PCDHGB7: variants seen among roughly 807,000 people sequenced by gnomAD.
The protein encoded by PCDHGB7 is protocadherin gamma-B7.
PCDHGB7 carries 37 observed loss-of-function variants against 61.4 expected under a neutral mutation model. The ratio of observed to expected loss-of-function variants is 0.60; its 90% confidence interval spans 0.46 to 0.79. The LOEUF is 0.79. PCDHGB7 is among the 30% of genes least tolerant of loss of function. PCDHGB7 has a pLI of 0.00. For missense variants in PCDHGB7, 1,166 were observed against 1,202.5 expected, an observed-to-expected ratio of 0.97 and a Z score of 0.45; for synonymous variants, 464 against 503.5, an observed-to-expected ratio of 0.92 and a Z score of 1.05.
At chr5:141,480,910 T>C (rs985100480) in intron 1 of PCDHGB7, among the ~76,000 whole-genome samples, 5 of 152,106 alleles carry the variant, frequency 3.3e-5, no homozygotes, top group Non-Finnish European at 7.4e-5. Flanking sequence ...CTGGGCATGG[T>C]GGCGCATACC....
intron 1 of PCDHGB7, among the ~76,000 whole-genome samples, chr5:141,466,776 C>T (rs2099129231): frequency 6.6e-6 from 1 of 152,104 alleles, no homozygotes; most frequent in African/African-American, 2.4e-5. Flanking sequence ...TTATCTTATT[C>T]TTCTTAGTGC....
chr5:141,509,872 G>T (rs968745661), intron 3 of PCDHGB7, among the ~76,000 whole-genome samples: 16 of 152,166 alleles, frequency 1.1e-4, no homozygotes, highest in Non-Finnish European at 1.5e-5. Context: ...CCAAGCTGCT[G>T]GTGGTGATGG....
intron 1 of PCDHGB7, among the ~76,000 whole-genome samples, chr5:141,445,007 G>T (rs771023003): frequency 1.3e-5 from 2 of 151,994 alleles, no homozygotes; most frequent in African/African-American, 4.8e-5. Flanking sequence ...ATTTAATTAG[G>T]TCTTTAATTT....
At chr5:141,496,268 G>T (rs1237681971) in intron 2 of PCDHGB7, among the ~76,000 whole-genome samples, 1 of 152,208 alleles carries the variant, frequency 6.6e-6, no homozygotes, top group Non-Finnish European at 1.5e-5. Flanking sequence ...TCAGCAGAAA[G>T]ACCTTCAGTT....
chr5:141,469,552 C>G (rs956606902), intron 1 of PCDHGB7, among the ~76,000 whole-genome samples: 1 of 151,910 alleles, frequency 6.6e-6, no homozygotes, highest in African/African-American at 2.4e-5. Context: ...TCCAGCCTGG[C>G]GACAGAGTGA....
intron 1 of PCDHGB7, among the ~76,000 whole-genome samples, chr5:141,435,395 C>T (rs946113643): frequency 5.3e-5 from 8 of 152,198 alleles, no homozygotes; most frequent in East Asian, 3.9e-4. Context: ...ATTGCCATGA[C>T]GAAAAATGGT....
At position 141,490,054 on chromosome 5, in the gene PCDHGB7, G is replaced by A. The variant is rs2099695440; in HGVS notation, c.2416-4753G>A. The A allele has an allele frequency of 6.2e-7, 1 of 1,614,104 alleles. No individual in the cohort carries two copies. The highest frequency in any genetic ancestry group is 1.3e-5 in the African/African-American group (1 of 74,944). ...CCTCAATGCCACTGATCCAGACGAG[G>A]GCACCAACGGCCAACTAGACTATTC... On this transcript the variant is annotated intron_variant, in intron 1 of 3. Transcript: ENST00000398594. This position sits in a 1 kb window ranked among gnomAD's most constrained non-coding sequence, Gnocchi z 5.4.
rs1485764871 is a variant in PCDHGB7, at chr5:141,486,709, C to A, written c.2416-8098C>A. On this transcript the variant is annotated intron_variant, in intron 1 of 3. Coordinates refer to ENST00000398594, the MANE Select transcript of PCDHGB7 (RefSeq NM_018927.4). The surrounding 1 kb of genome is among the most constrained non-coding windows in gnomAD (Gnocchi z 5.0). ...CTTCCTCTTTCATCTCTCTGAACCC[C>A]CAGACAGGAGCTGTTCATGCTACTC... 6.2e-7 allele frequency: 1 copy of A among 1,614,182 alleles called. No homozygotes were observed. Among genetic ancestry groups the A allele is most frequent in the Admixed American group, 1.7e-5 (1 of 60,022 alleles).
chr5:141,453,700 G>T (rs953445370), intron 1 of PCDHGB7, among the ~76,000 whole-genome samples: 1 of 152,166 alleles, frequency 6.6e-6, no homozygotes, highest in East Asian at 1.9e-4. Flanking sequence ...TCCTGGCTTT[G>T]AACAGTTTCA....
chr5:141,494,182 C>A (rs188628485), intron 1 of PCDHGB7, among the ~76,000 whole-genome samples: 1 of 152,126 alleles, frequency 6.6e-6, no homozygotes, highest in Non-Finnish European at 1.5e-5. Context: ...AGAAGTGTCC[C>A]GGGACTTGGA....
intron 1 of PCDHGB7, among the ~76,000 whole-genome samples, chr5:141,449,298 T>C (rs1197693931): frequency 6.6e-6 from 1 of 152,058 alleles, no homozygotes; most frequent in Non-Finnish European, 1.5e-5. Flanking sequence ...CCGGGTGAAT[T>C]ATATGTATTA....
intron 1 of PCDHGB7, among the ~76,000 whole-genome samples, chr5:141,443,477 C>T (rs1279226136): frequency 6.6e-6 from 1 of 152,116 alleles, no homozygotes; most frequent in Non-Finnish European, 1.5e-5. Flanking sequence ...CAGAATTAGA[C>T]CCTGTCCCAA....
chr5:141,456,093 T>G (rs1362649283), intron 1 of PCDHGB7, among the ~76,000 whole-genome samples: 1 of 151,986 alleles, frequency 6.6e-6, no homozygotes, highest in Non-Finnish European at 1.5e-5. Context: ...GAGACGGGAT[T>G]TCACCGTGTT....
chr5:141,431,976 C>T lies in PCDHGB7; in HGVS notation c.2415+11702C>T, dbSNP rs2097433306. ...TACGGAAATTACTATAGTTTAGTCACAGACATAGTCTTGGATAGGGAACAG... is the reference window on the plus strand; with the variant it reads ...TACGGAAATTACTATAGTTTAGTCATAGACATAGTCTTGGATAGGGAACAG... On this transcript the variant is annotated intron_variant, in intron 1 of 3. Transcript: ENST00000398594. This position sits in a 1 kb window ranked among gnomAD's most constrained non-coding sequence, Gnocchi z 4.8. 6.2e-7 allele frequency: 1 copy of T among 1,614,078 alleles called. No individual in the cohort carries two copies. The highest frequency in any genetic ancestry group is 1.3e-5 in the African/African-American group (1 of 74,934).
intron 1 of PCDHGB7, among the ~76,000 whole-genome samples, chr5:141,444,714 CTTGGTGCCT>C (rs2098445168): frequency 6.6e-6 from 1 of 152,122 alleles, no homozygotes; most frequent in Non-Finnish European, 1.5e-5. Context: ...GTTGAATTTG[CTTGGTGCCT>C]TTGTTGAAAG....
rs965707754 is a variant in PCDHGB7 at position 141,505,329 on chromosome 5, G to A, written c.2475-64G>A. On this transcript the variant is annotated intron_variant, in intron 2 of 3. Coordinates refer to ENST00000398594, the MANE Select transcript of PCDHGB7 (RefSeq NM_018927.4). ...ACTAGGTTTGGGAGCCCTGGGAGAG[G>A]ACAGGAGGGGCATGAGCTGTGCCGG... is the stretch of plus-strand genomic sequence containing the variant. The A allele has an allele frequency of 2.5e-6, 4 of 1,610,060 alleles. No individual in the cohort carries two copies. The African/African-American group carries it at 5.3e-5, about 22-fold the overall frequency.
chr5:141,477,224 G>C lies in PCDHGB7; in HGVS notation c.2416-17583G>C. 6.2e-7 allele frequency: 1 copy of C among 1,614,200 alleles called. No individual in the cohort carries two copies. The highest frequency in any genetic ancestry group is 8.5e-7 in the Non-Finnish European group (1 of 1,180,046). Reference sequence around the variant, plus strand: ...ACCCGAGGATGCCCCTCTGGGGACTGTCATCGCTTTGCTCAGTGTGACTGA... The same window carrying C: ...ACCCGAGGATGCCCCTCTGGGGACTCTCATCGCTTTGCTCAGTGTGACTGA... On this transcript the variant is annotated intron_variant, in intron 1 of 3. Transcript: ENST00000398594. The surrounding 1 kb of genome is among the most constrained non-coding windows in gnomAD (Gnocchi z 4.9).
intron 3 of PCDHGB7, among the ~76,000 whole-genome samples, chr5:141,506,485 A>C (rs2154593953): frequency 6.6e-6 from 1 of 150,572 alleles, no homozygotes; most frequent in East Asian, 2.0e-4. Flanking sequence ...CTTTAGAGGC[A>C]GGCCAATCTG....
intron 2 of PCDHGB7, 84 bp downstream of exon 2, chr5:141,494,949 C>A (rs1193148622): frequency 6.2e-7 from 1 of 1,606,850 alleles, no homozygotes; most frequent in Non-Finnish European, 8.5e-7. Context: ...GAGGGCCCAG[C>A]ATTTGCTACA....
Sources: gnomAD v4.1 joint callset for allele counts (sites outside exome capture counted in the v4.1 genomes callset) on GRCh38, gnomAD v4.1.1 for gene constraint, Gnocchi (gnomAD v3.1) non-coding constraint, MANE v1.5 for transcripts, NCBI Gene and HGNC (gene_info 2026-07-23, HGNC 2026-07-21) for gene names.